The following OXSR1 variants were observed in gnomAD, a reference collection of about 807,000 sequenced individuals.
OXSR1 encodes the protein oxidative stress responsive kinase 1.
Under a neutral mutation model 79.8 loss-of-function variants are expected in OXSR1, and 24 were observed. The observed-to-expected ratio is 0.30, with a 90% CI of 0.22 to 0.42. OXSR1 has a LOEUF of 0.42. OXSR1 is among the 10% of genes least tolerant of loss of function. OXSR1 has a pLI of 1.00. For synonymous variants in OXSR1, 226 were observed against 209.2 expected (o/e 1.08, Z -0.69); for missense variants, 430 against 618.4 (o/e 0.70, Z 3.23).
intron 1 of OXSR1, 61 bp from the exon 2 acceptor site, chr3:38,182,942 A>G: frequency 1.1e-6 from 1 of 888,092 alleles, no homozygotes; most frequent in East Asian, 2.5e-5. Context: ...TATGGGAATT[A>G]GAAATGTCAT....
chr3:38,184,985 C>T (rs1701856784), intron 2 of OXSR1, among the ~76,000 whole-genome samples: 1 of 108,890 alleles, frequency 9.2e-6, no homozygotes, highest in African/African-American at 3.5e-5. Context: ...GCTCTGTCTC[C>T]CAGGCTGGAA....
chr3:38,167,408 C>T (rs1701488605), intron 1 of OXSR1, among the ~76,000 whole-genome samples: 1 of 152,224 alleles, frequency 6.6e-6, no homozygotes, highest in Non-Finnish European at 1.5e-5. Context: ...TGAGCAGACA[C>T]CTGTGTATTG....
At chr3:38,200,487 A>T (rs1702145535) in intron 4 of OXSR1, among the ~76,000 whole-genome samples, 1 of 151,968 alleles carries the variant, frequency 6.6e-6, no homozygotes, top group East Asian at 1.9e-4. Flanking sequence ...GAGTTCTTTT[A>T]TGATTGTCTG....
chr3:38,191,790 T>G (rs1032800598), intron 3 of OXSR1, among the ~76,000 whole-genome samples: 2 of 152,186 alleles, frequency 1.3e-5, no homozygotes, highest in Admixed American at 6.5e-5. Flanking sequence ...TCCATAAGTC[T>G]TTTATCTTAA....
At chr3:38,206,116 T>C (rs1702259655) in intron 4 of OXSR1, among the ~76,000 whole-genome samples, 1 of 152,212 alleles carries the variant, frequency 6.6e-6, no homozygotes, top group African/African-American at 2.4e-5. Flanking sequence ...AAATTAATTT[T>C]GACACAAGAA....
intron 8 of OXSR1, among the ~76,000 whole-genome samples, chr3:38,229,125 A>G (rs1702753815): frequency 6.6e-6 from 1 of 152,190 alleles, no homozygotes; most frequent in South Asian, 2.1e-4. Flanking sequence ...AAATGAGTTA[A>G]ACACTGAGTT....
At chr3:38,231,691 TTAAA>T (rs1702809965) in intron 10 of OXSR1, among the ~76,000 whole-genome samples, 1 of 152,188 alleles carries the variant, frequency 6.6e-6, no homozygotes, top group African/African-American at 2.4e-5. Flanking sequence ...CAGGATATTC[TTAAA>T]TAATATGTAT....
chr3:38,222,440 G>C (rs978849792), intron 6 of OXSR1, among the ~76,000 whole-genome samples: 1 of 152,108 alleles, frequency 6.6e-6, no homozygotes, highest in African/African-American at 2.4e-5. Context: ...GTACCTGGTC[G>C]TTTGATAAGG....
At chr3:38,205,112 C>T (rs1174695615) in intron 4 of OXSR1, among the ~76,000 whole-genome samples, 1 of 151,730 alleles carries the variant, frequency 6.6e-6, no homozygotes, top group African/African-American at 2.4e-5. Context: ...AGTTCCAATG[C>T]AAGCACAGAT....
chr3:38,229,537 C>G (rs925649342), intron 8 of OXSR1, 150 bp from the exon 9 acceptor site: 1 of 566,760 alleles, frequency 1.8e-6, no homozygotes, highest in Non-Finnish European at 3.1e-6. Context: ...GTTTATTTTA[C>G]TTTTGCTTTT....
intron 10 of OXSR1, among the ~76,000 whole-genome samples, chr3:38,230,970 TCTTA>T (rs1173019223): frequency 6.6e-6 from 1 of 152,196 alleles, no homozygotes; most frequent in Non-Finnish European, 1.5e-5. Flanking sequence ...TTTTCCTCAC[TCTTA>T]CTTCTCTGCT....
rs1382782276 is a variant in OXSR1, at chr3:38,254,996, ACTT to A, written c.*2111_*2113del. 6.6e-6 allele frequency: 1 copy of A among 152,640 alleles called. No individual in the cohort carries two copies. Among genetic ancestry groups the A allele is most frequent in the East Asian group, 1.9e-4 (1 of 5,192 alleles). 9.5% of individuals were successfully genotyped at this position (152,640 alleles called of 1,614,324 possible). A position where few individuals can be genotyped will look rare whatever the true frequency, so the allele number is the denominator to read the frequency against. On this transcript the variant is annotated 3_prime_UTR_variant, in exon 18 of 18. Coordinates refer to ENST00000311806, the MANE Select transcript of OXSR1 (RefSeq NM_005109.3). ...AGACACCATGTCCCAGGACAGTGTTACTTCTTCTGCATGATGTGTGGTAGACTC... is the reference window on the plus strand; with the variant it reads ...AGACACCATGTCCCAGGACAGTGTTACTTCTGCATGATGTGTGGTAGACTC...
chr3:38,253,055 A>T lies in OXSR1; in HGVS notation c.*164A>T. The stretch of plus-strand genomic sequence containing the variant: ...TCCTGCCATCATTCCTCCTTTTCCC[A>T]CAGGGAAAGAAAAGTTGGATCACTA... On this transcript the variant is annotated 3_prime_UTR_variant, in exon 18 of 18. Transcript: ENST00000311806. 1.6e-6 allele frequency: 1 copy of T among 607,408 alleles called. No homozygotes were observed. The highest frequency in any genetic ancestry group is 2.9e-6 in the Non-Finnish European group (1 of 343,152). 37.6% of individuals were successfully genotyped at this position (607,408 alleles called of 1,614,324 possible).
chr3:38,224,829 A>G (rs1702658829), intron 8 of OXSR1, 125 bp downstream of exon 8: 2 of 664,808 alleles, frequency 3.0e-6, no homozygotes, highest in Non-Finnish European at 2.5e-6. Flanking sequence ...AAAAAAGTAT[A>G]CAGAGACCAT....
chr3:38,250,651 A>C (rs1364980041), intron 15 of OXSR1, among the ~76,000 whole-genome samples: 1 of 152,180 alleles, frequency 6.6e-6, no homozygotes, highest in Non-Finnish European at 1.5e-5. Flanking sequence ...TATCATGCTT[A>C]TTCTTCTTGC....
chr3:38,195,667 G>T (rs563984756), intron 3 of OXSR1, among the ~76,000 whole-genome samples: 9 of 152,110 alleles, frequency 5.9e-5, no homozygotes, highest in African/African-American at 1.9e-4. Context: ...TTGTTGATGG[G>T]GTCATTACTT....
intron 1 of OXSR1, among the ~76,000 whole-genome samples, chr3:38,166,572 C>T (rs951378575): frequency 1.3e-5 from 2 of 152,116 alleles, no homozygotes; most frequent in African/African-American, 4.8e-5. Flanking sequence ...GCGGGCGGAT[C>T]ACGAGGTCGG....
chr3:38,220,377 T>G (rs1702565240), intron 5 of OXSR1, among the ~76,000 whole-genome samples: 1 of 152,176 alleles, frequency 6.6e-6, no homozygotes, highest in Non-Finnish European at 1.5e-5. Flanking sequence ...TTCTATTTTA[T>G]AATTCTGTTT....
chr3:38,244,666 T>TGTGTGTGTGTGTGC (rs748851263), intron 12 of OXSR1, among the ~76,000 whole-genome samples: 2,877 of 143,982 alleles, frequency 0.02, 41 homozygotes, highest in Middle Eastern at 0.037. Context: ...TGTGTGTGTG[T>TGTGTGTGTGTGTGC]GCGTGCGCAT....
Sources: gnomAD v4.1 joint callset for allele counts (sites outside exome capture counted in the v4.1 genomes callset) on GRCh38, gnomAD v4.1.1 for gene constraint, MANE v1.5 for transcripts, NCBI Gene and HGNC (gene_info 2026-07-23, HGNC 2026-07-21) for gene names.